The following PAK3 variants were observed in gnomAD, a reference collection of about 807,000 sequenced individuals.
PAK3 encodes the protein serine/threonine-protein kinase PAK 3.
PAK3 carries 4 observed loss-of-function variants against 41.0 expected under a neutral mutation model. The observed-to-expected ratio is 0.10, with a 90% CI of 0.05 to 0.22. The LOEUF is 0.22. PAK3 is among the 10% of genes least tolerant of loss of function. The pLI, the probability that PAK3 is intolerant of heterozygous loss-of-function variation, is 1.00. For synonymous variants in PAK3, 146 were observed against 139.6 expected, an observed-to-expected ratio of 1.05 and a Z score of -0.32; for missense variants, 205 against 409.9, an observed-to-expected ratio of 0.50 and a Z score of 4.32.
chrX:110,980,123 C>T (rs1374907003), intron 1 of PAK3, among the ~76,000 whole-genome samples: 1 of 112,146 alleles, frequency 8.9e-6, no homozygotes, highest in African/African-American at 3.2e-5. Flanking sequence ...TCTCATGCCT[C>T]AAATCTCCCT....
intron 1 of PAK3, among the ~76,000 whole-genome samples, chrX:111,021,558 T>A (rs1017313562): frequency 9.0e-6 from 1 of 111,072 alleles, no homozygotes; most frequent in African/African-American, 3.3e-5. Context: ...AACCTAGATA[T>A]TCCTTCTGAC....
At chrX:111,037,286 A>G (rs766842285) in intron 1 of PAK3, among the ~76,000 whole-genome samples, 41 of 111,845 alleles carry the variant, frequency 3.7e-4, no homozygotes, top group Non-Finnish European at 7.3e-4. Context: ...AGCTCTTTAT[A>G]TATGAAGGCC....
chrX:111,225,048 G>C lies in PAK3; in HGVS notation c.*4601G>C, dbSNP rs1002922706. 1 of 112,045 alleles carries C rather than the reference G, an allele frequency of 8.9e-6. No individual in the cohort carries two copies. The highest frequency in any genetic ancestry group is 2.8e-4 in the East Asian group (1 of 3,579). The allele number at this position is 112,045 out of a possible 1,213,427, so 9.2% of individuals were successfully genotyped here. ...GCATTTGTAAACTGACAGTTTGATG[G>C]GCCTGGGATTTGAAGTGAACTCAGC... On this transcript the variant is annotated 3_prime_UTR_variant, in exon 18 of 18. Coordinates refer to ENST00000372007, the MANE Select transcript of PAK3 (RefSeq NM_002578.5).
Position 110,953,928 on chromosome X carries a change from A to G in PAK3, c.-28+9300A>G, listed in dbSNP as rs150831016. Among the ~76,000 whole-genome samples, 1,028 of 112,140 alleles carry G rather than the reference A, an allele frequency of 9.2e-3. 15 individuals are homozygous for G. Among genetic ancestry groups the G allele is most frequent in the African/African-American group, 0.031 (964 of 30,934 alleles). On this transcript the variant is annotated intron_variant, in intron 1 of 14. Transcript: ENST00000425146. ...GGGCACAGTGATTTCCATAACTCCT[A>G]GACTGTTTTGGCCCAAGCTTTCCTT...
chrX:111,089,620 G>T (rs766335049), intron 1 of PAK3, among the ~76,000 whole-genome samples: 92 of 110,645 alleles, frequency 8.3e-4, no homozygotes, highest in Middle Eastern at 4.7e-3. Flanking sequence ...GTTGTGGTAG[G>T]CAGAGGGAAG....
intron 1 of PAK3, among the ~76,000 whole-genome samples, chrX:111,048,309 T>G (rs1326790725): frequency 9.0e-6 from 1 of 111,028 alleles, no homozygotes; most frequent in Non-Finnish European, 1.9e-5. Flanking sequence ...ATCCTCAACT[T>G]CTCTTTATCA....
chrX:111,184,561 C>T (rs1008371399), intron 11 of PAK3, among the ~76,000 whole-genome samples: 1 of 107,918 alleles, frequency 9.3e-6, no homozygotes, highest in Non-Finnish European at 1.9e-5. Context: ...GCCCCCCATC[C>T]CCCAACAGGC....
upstream of PAK3, among the ~76,000 whole-genome samples, chrX:111,093,436 G>C (rs2092945153): frequency 8.9e-6 from 1 of 111,756 alleles, no homozygotes; most frequent in African/African-American, 3.2e-5. Context: ...CCAAGCAAGA[G>C]AACAGTGAGT....
chrX:110,992,607 G>A (rs1489853737), intron 1 of PAK3, among the ~76,000 whole-genome samples: 1 of 102,973 alleles, frequency 9.7e-6, no homozygotes, highest in African/African-American at 3.5e-5. Context: ...TTGATGGCAC[G>A]GAGAATAGGG....
chrX:111,167,639 CT>C (rs2094276308), intron 10 of PAK3, among the ~76,000 whole-genome samples: 1 of 107,410 alleles, frequency 9.3e-6, no homozygotes, highest in Non-Finnish European at 1.9e-5. Context: ...AAACCAAACA[CT>C]GCATGTTCTC....
At chrX:110,976,954 G>A (rs747349420) in intron 1 of PAK3, among the ~76,000 whole-genome samples, 1 of 105,032 alleles carries the variant, frequency 9.5e-6, no homozygotes, top group Admixed American at 1.0e-4. Flanking sequence ...ACTGGGGCAT[G>A]TCAGGGGTTG....
intron 17 of PAK3, among the ~76,000 whole-genome samples, chrX:111,218,565 G>A (rs1352800832): frequency 8.9e-6 from 1 of 111,770 alleles, no homozygotes; most frequent in Admixed American, 9.5e-5. Context: ...CAAATGGAAG[G>A]AAGTGTTAGG....
At chrX:111,168,299 G>C (rs750123813) in intron 10 of PAK3, among the ~76,000 whole-genome samples, 40 of 111,849 alleles carry the variant, frequency 3.6e-4, no homozygotes, top group Non-Finnish European at 6.4e-4. Flanking sequence ...GGAAGTTCTG[G>C]TAGGAAATTG....
chrX:110,981,763 T>C, intron 1 of PAK3, among the ~76,000 whole-genome samples: 1 of 111,869 alleles, frequency 8.9e-6, no homozygotes, highest in Non-Finnish European at 1.9e-5. Flanking sequence ...TCAGGCATAC[T>C]GTGCCTGTAC....
intron 1 of PAK3, among the ~76,000 whole-genome samples, chrX:111,043,373 A>G (rs1373969778): frequency 9.0e-6 from 1 of 111,626 alleles, no homozygotes; most frequent in Admixed American, 9.5e-5. Flanking sequence ...GCTCATGGAT[A>G]ATATAAAACT....
intron 1 of PAK3, among the ~76,000 whole-genome samples, chrX:111,058,847 A>G (rs1305131567): frequency 8.9e-6 from 1 of 111,909 alleles, no homozygotes; most frequent in Admixed American, 9.5e-5. Flanking sequence ...TGTATATAAG[A>G]CAGTGGTCAA....
intron 1 of PAK3, among the ~76,000 whole-genome samples, chrX:111,069,072 C>T (rs2148820330): frequency 8.9e-6 from 1 of 111,850 alleles, no homozygotes; most frequent in Non-Finnish European, 1.9e-5. Context: ...TCAGCACCAC[C>T]TGAGAGTGAG....
chrX:111,087,945 T>C lies in PAK3; in HGVS notation c.-27-35132T>C, dbSNP rs754360660. Among the ~76,000 whole-genome samples the C allele has an allele frequency of 1.8e-4, 20 of 109,286 alleles. No homozygotes were observed. In the East Asian group the frequency reaches 5.5e-3, roughly 30 times the overall value. 94.9% of individuals were successfully genotyped at this position (109,286 alleles called of 115,157 possible). A position where few individuals can be genotyped will look rare whatever the true frequency, so the allele number is the denominator to read the frequency against. ...GACACTGAGGGAGATCAGGAGAGAA[T>C]AACCACAAGCCTGTGGAAGAAAAAT... On this transcript the variant is annotated intron_variant, in intron 1 of 14. Coordinates refer to the PAK3 transcript ENST00000425146.
chrX:111,045,299 C>T (rs941232644), intron 1 of PAK3, among the ~76,000 whole-genome samples: 1 of 112,500 alleles, frequency 8.9e-6, no homozygotes, highest in Non-Finnish European at 1.9e-5. Flanking sequence ...GCTACTAACA[C>T]TTTCCACTAT....
Sources: gnomAD v4.1 joint callset for allele counts (sites outside exome capture counted in the v4.1 genomes callset) on GRCh38, gnomAD v4.1.1 for gene constraint, MANE v1.5 for transcripts, NCBI Gene and HGNC (gene_info 2026-07-23, HGNC 2026-07-21) for gene names.